Variants in TNFRSF18 observed in about 807,000 individuals in gnomAD.
TNFRSF18 encodes TNF receptor superfamily member 18, also known as tumor necrosis factor receptor superfamily member 18.
TNFRSF18 carries 36 observed loss-of-function variants against 30.2 expected under a neutral mutation model. The ratio of observed to expected loss-of-function variants is 1.19; its 90% CI spans 0.91 to 1.58. The LOEUF (loss-of-function observed/expected upper bound fraction) is 1.58. Ranked by LOEUF, TNFRSF18 falls within the 40% of genes most tolerant of loss-of-function variation. The probability of loss-of-function intolerance (pLI) is 0.00; values close to 1 mark genes in which losing one functional copy is unlikely to be tolerated. For missense variants in TNFRSF18, 369 were observed against 345.4 expected, an observed-to-expected ratio of 1.07 and a Z score of -0.54; for synonymous variants, 173 against 158.3, an observed-to-expected ratio of 1.09 and a Z score of -0.70.
rs1249616901 is a variant in TNFRSF18, at chr1:1,206,373, C to T, written c.187+12G>A. The T allele has an allele frequency of 6.3e-5, 97 of 1,545,914 alleles. No individual in the cohort carries two copies. The highest frequency in any genetic ancestry group is 7.9e-5 in the Non-Finnish European group (90 of 1,145,794). On this transcript the variant is annotated intron_variant, in intron 1 of 4. Transcript: ENST00000379268. Reference sequence around the variant, plus strand: ...TTGGCCGGTCCGCGTTAAGTAAACGCGGTTTACTTACCCGGGTAATCGCGG... The same window carrying T: ...TTGGCCGGTCCGCGTTAAGTAAACGTGGTTTACTTACCCGGGTAATCGCGG...
In TNFRSF18 at chr1:1,204,029, C is replaced by T; in HGVS notation, c.601+5G>A. The stretch of plus-strand genomic sequence containing the variant: ...CCCACCTCCCCGCACCAGGCTGTGA[C>T]AGACCTCGGGGCCACATGCACTGAC... On this transcript the variant is annotated splice_donor_5th_base_variant and intron_variant, in intron 4 of 4. Transcript: ENST00000379268. The T allele has an allele frequency of 6.2e-7, 1 of 1,607,184 alleles. No homozygotes were observed. Among genetic ancestry groups the T allele is most frequent in the South Asian group, 1.1e-5 (1 of 90,144 alleles).
chr1:1,204,648 G>A (rs962721169), intron 2 of TNFRSF18, among the ~76,000 whole-genome samples, 162 bp from the exon 3 acceptor site: 3 of 152,168 alleles, frequency 2.0e-5, no homozygotes, highest in Non-Finnish European at 4.4e-5. Context: ...GCCCAGGACT[G>A]GGGCCCATGT....
rs763207392 is a variant in TNFRSF18, at chr1:1,203,744, G to T, written c.*100C>A. ...CCTGCACCCACTTCTGCTGCCAGGG[G>T]AGCAGGGCCCGGCCCAGAGCAGAAC... is the stretch of plus-strand genomic sequence containing the variant. On this transcript the variant is annotated 3_prime_UTR_variant, in exon 5 of 5. Transcript: ENST00000379268. The T allele has an allele frequency of 1.9e-6, 3 of 1,560,976 alleles. No homozygotes were observed. In the East Asian group the frequency reaches 7.0e-5, roughly 36 times the overall value.
At chr1:1,205,530 T>C in intron 1 of TNFRSF18, 38 bp from the exon 2 acceptor site, 1 of 1,596,730 alleles carries the variant, frequency 6.3e-7, no homozygotes, top group Non-Finnish European at 8.5e-7. Flanking sequence ...GCAGCTGGGC[T>C]GAGGCCCCCT....
Position 1,205,509 on chromosome 1 carries a change from C to A in TNFRSF18, c.188-17G>T. 6.2e-7 allele frequency: 1 copy of A among 1,606,532 alleles called. No individual in the cohort carries two copies. The highest frequency in any genetic ancestry group is 1.1e-5 in the South Asian group (1 of 90,458). On this transcript the variant is annotated splice_polypyrimidine_tract_variant and intron_variant, in intron 1 of 4. Coordinates refer to ENST00000379268, the MANE Select transcript of TNFRSF18 (RefSeq NM_004195.3). ...ACTCCTCGCCTGGGCAGGAGACAGG[C>A]CAGCCCCCCAGCAGCTGGGCTGAGG...
At chr1:1,206,314 G>A in intron 1 of TNFRSF18, 71 bp downstream of exon 1, 4 of 1,499,208 alleles carry the variant, frequency 2.7e-6, no homozygotes, top group South Asian at 1.3e-5. Flanking sequence ...ACGGGAAGGG[G>A]GGCGCCCACC....
In TNFRSF18 at chr1:1,204,440, G is replaced by C; in HGVS notation, c.357C>G (p.Thr119=). Residue 119 remains threonine, a synonymous_variant, in exon 3 of 5, where the codon ACC becomes ACG. Transcript: ENST00000379268. ...AGTGGCCTTCGTGGCCCCCGGAGAA[G>C]GTCCCCGAGGCACAGTCGATACACT... ...GFQCIDCASG[T]FSGGHEGHCK... The C allele has an allele frequency of 6.2e-7, 1 of 1,612,738 alleles. No individual in the cohort carries two copies. The highest frequency in any genetic ancestry group is 8.5e-7 in the Non-Finnish European group (1 of 1,179,940).
chr1:1,204,930 C>T (rs1648740800), intron 2 of TNFRSF18, among the ~76,000 whole-genome samples: 1 of 152,200 alleles, frequency 6.6e-6, no homozygotes, highest in African/African-American at 2.4e-5. Flanking sequence ...CTCATGTGCC[C>T]AGCCTGACCT....
At position 1,203,766 on chromosome 1, in the gene TNFRSF18, G is replaced by T. The variant is rs1449126934; in HGVS notation, c.*78C>A. The T allele has an allele frequency of 6.4e-7, 1 of 1,563,684 alleles. No individual in the cohort carries two copies. The highest frequency in any genetic ancestry group is 1.3e-5 in the African/African-American group (1 of 74,276). On this transcript the variant is annotated 3_prime_UTR_variant, in exon 5 of 5. Coordinates refer to ENST00000379268, the MANE Select transcript of TNFRSF18 (RefSeq NM_004195.3). ...GGGGAGCAGGGCCCGGCCCAGAGCA[G>T]AACGCAGAGCCCCTGCGGCCTGGGG...
chr1:1,205,240 C>A, intron 2 of TNFRSF18, 130 bp downstream of exon 2: 2 of 1,407,296 alleles, frequency 1.4e-6, no homozygotes, highest in South Asian at 1.3e-5. Flanking sequence ...CCTGGCCTGC[C>A]CGGCCTCACA....
rs765395778 is a variant in TNFRSF18, at chr1:1,203,645, C to G, written c.*199G>C. 11 of 1,545,930 alleles carry G rather than the reference C, an allele frequency of 7.1e-6. No homozygotes were observed. Among genetic ancestry groups the G allele is most frequent in the Non-Finnish European group, 9.5e-6 (11 of 1,154,506 alleles). On this transcript the variant is annotated 3_prime_UTR_variant, in exon 5 of 5. Coordinates refer to ENST00000379268, the MANE Select transcript of TNFRSF18 (RefSeq NM_004195.3). ...GGGAGGAAGGGGGCCATGACTGTGT[C>G]TCTCTCTCCCTCCTGCAGGGCCCAG...
intron 1 of TNFRSF18, chr1:1,205,796 T>G: frequency 2.6e-6 from 1 of 379,666 alleles, no homozygotes. Context: ...CAGTGCACAG[T>G]CCCCTGGAGG....
chr1:1,205,426 C>A lies in TNFRSF18; in HGVS notation c.254G>T (p.Cys85Phe), dbSNP rs768567442. 6.2e-7 allele frequency: 1 copy of A among 1,612,654 alleles called. No homozygotes were observed. Among genetic ancestry groups the A allele is most frequent in the Admixed American group, 1.7e-5 (1 of 60,006 alleles). The change falls in exon 2 of 5, where the codon TGC becomes TTC. Residue 85 changes from cysteine to phenylalanine, a missense_variant. Transcript: ENST00000379268. Reference sequence around the variant, plus strand: ...AGGGTGGTGCCGGCAGGTCGTGCAGCAAGGGTCTCCGCAGTGGAATTCAGG... The same window carrying A: ...AGGGTGGTGCCGGCAGGTCGTGCAGAAAGGGTCTCCGCAGTGGAATTCAGG... ...VQPEFHCGDP[C>F]CTTCRHHPCP...
intron 2 of TNFRSF18, 50 bp downstream of exon 2, chr1:1,205,320 A>G: frequency 6.3e-7 from 1 of 1,588,860 alleles, no homozygotes; most frequent in Non-Finnish European, 8.6e-7. Context: ...CTCGGGCCCT[A>G]GTGGAACCCC....
At chr1:1,205,087 C>T (rs1372024076) in intron 2 of TNFRSF18, among the ~76,000 whole-genome samples, 4 of 152,160 alleles carry the variant, frequency 2.6e-5, no homozygotes, top group Non-Finnish European at 5.9e-5. Context: ...GTGTCCCGGG[C>T]CTGAGAGCCA....
chr1:1,205,262 C>T, intron 2 of TNFRSF18, 108 bp downstream of exon 2: 1 of 1,512,236 alleles, frequency 6.6e-7, no homozygotes, highest in African/African-American at 1.4e-5. Flanking sequence ...GACTCCGGAC[C>T]CCACACACCA....
intron 1 of TNFRSF18, 112 bp downstream of exon 1, chr1:1,206,273 C>T: frequency 7.9e-7 from 1 of 1,261,584 alleles, no homozygotes; most frequent in Non-Finnish European, 1.1e-6. Context: ...TGTGCCCACC[C>T]TCCTTAGACC....
In TNFRSF18 at chr1:1,206,530, G is replaced by T. The variant is rs764403514; in HGVS notation, c.42C>A (p.Cys14Ter). The T allele has an allele frequency of 5.2e-6, 8 of 1,531,656 alleles. No individual in the cohort carries two copies. The highest frequency in any genetic ancestry group is 6.1e-6 in the Non-Finnish European group (7 of 1,141,182). 94.9% of individuals were successfully genotyped at this position (1,531,656 alleles called of 1,614,324 possible). The change falls in exon 1 of 5, where the codon TGC becomes TGA. Residue 14 changes from cysteine to a stop codon, truncating the protein, a stop_gained. Coordinates refer to ENST00000379268, the MANE Select transcript of TNFRSF18 (RefSeq NM_004195.3). LOFTEE classifies it high-confidence loss of function. ...TGAGCGCGCACAGCAGCGCCAGGCC[G>T]CACAGGGCCCGAAACGCGCCCATCG... Reference protein sequence around the residue: ...HGAMGAFRALCGLALLCALSL... With the variant: ...HGAMGAFRAL
At position 1,203,712 on chromosome 1, in the gene TNFRSF18, C is replaced by A; in HGVS notation, c.*132G>T. The A allele has an allele frequency of 6.4e-7, 1 of 1,562,246 alleles. No homozygotes were observed. ...GCATGGTCCAGGGCGCTGGTCACTGCCACCTTCCTGCACCCACTTCTGCTG... is the reference window on the plus strand; with the variant it reads ...GCATGGTCCAGGGCGCTGGTCACTGACACCTTCCTGCACCCACTTCTGCTG... On this transcript the variant is annotated 3_prime_UTR_variant, in exon 5 of 5. Transcript: ENST00000379268.
Sources: gnomAD v4.1 joint callset for allele counts (sites outside exome capture counted in the v4.1 genomes callset) on GRCh38, gnomAD v4.1.1 for gene constraint, MANE v1.5 for transcripts, NCBI Gene and HGNC (gene_info 2026-07-23, HGNC 2026-07-21) for gene names.